CSMD1: variants seen among roughly 807,000 people sequenced by gnomAD.
CSMD1 encodes the protein CUB and Sushi multiple domains 1.
In CSMD1, 213 loss-of-function variants were observed where a neutral mutation model predicts 417.5. That is an observed-to-expected ratio of 0.51 (90% CI 0.46 to 0.57). The LOEUF (loss-of-function observed/expected upper bound fraction) is 0.57. CSMD1 is among the 20% of genes least tolerant of loss of function. The pLI, the probability that CSMD1 is intolerant of heterozygous loss-of-function variation, is 0.00. For missense variants in CSMD1, 6,923 were observed against 4,529.7 expected, an observed-to-expected ratio of 1.53 and a Z score of -15.17; for synonymous variants, 2,862 against 1,736.8, an observed-to-expected ratio of 1.65 and a Z score of -16.11.
rs954681802 is a variant in CSMD1 at position 3,916,263 on chromosome 8, C to G, written c.818+81640G>C. ...GTAACGAAAATATATACAACAGGAG[C>G]CCAGAAAGCTTTTGTGGAAAGTCTC... is the stretch of plus-strand genomic sequence containing the variant. On this transcript the variant is annotated intron_variant, in intron 5 of 69. Transcript: ENST00000635120. 2.0e-5 allele frequency among the ~76,000 whole-genome samples: 3 copies of G among 152,022 alleles called. No homozygotes were observed. In the East Asian group the frequency reaches 5.8e-4, roughly 29 times the overall value.
At chr8:4,089,832 G>C (rs1585291089) in intron 3 of CSMD1, among the ~76,000 whole-genome samples, 3 of 152,100 alleles carry the variant, frequency 2.0e-5, no homozygotes, top group Admixed American at 6.5e-5. Context: ...TGAGAGCTGA[G>C]GCTTCTGGAA....
intron 5 of CSMD1, among the ~76,000 whole-genome samples, chr8:3,865,713 A>C (rs1046905074): frequency 1.3e-5 from 2 of 152,172 alleles, no homozygotes; most frequent in Admixed American, 6.5e-5. Context: ...TAAATACAAC[A>C]ACAAAATCTC....
chr8:3,982,034 G>C (rs960808399), intron 5 of CSMD1, among the ~76,000 whole-genome samples: 5 of 151,824 alleles, frequency 3.3e-5, no homozygotes, highest in Non-Finnish European at 7.4e-5. Flanking sequence ...AGCCTGGCGC[G>C]GTGACGGTCG....
At chr8:4,001,576 C>T (rs1172228328) in intron 4 of CSMD1, among the ~76,000 whole-genome samples, 1 of 152,160 alleles carries the variant, frequency 6.6e-6, no homozygotes, top group South Asian at 2.1e-4. Context: ...ATTTAAAATG[C>T]CAGTGGCTGA....
At chr8:4,288,041 G>C (rs1444046912) in intron 3 of CSMD1, among the ~76,000 whole-genome samples, 1 of 152,196 alleles carries the variant, frequency 6.6e-6, no homozygotes, top group East Asian at 1.9e-4. Flanking sequence ...TCAAAAGACA[G>C]AAAGCTAAAA....
intron 1 of CSMD1, among the ~76,000 whole-genome samples, chr8:4,792,384 G>C (rs946899126): frequency 1.4e-4 from 22 of 152,198 alleles, no homozygotes; most frequent in African/African-American, 5.1e-4. Context: ...TTCAATTCCA[G>C]AGACATTTCG....
chr8:3,804,352 T>C (rs935918079), intron 5 of CSMD1, among the ~76,000 whole-genome samples: 16 of 152,172 alleles, frequency 1.1e-4, no homozygotes, highest in Non-Finnish European at 2.2e-4. Flanking sequence ...AAAGAAGCAG[T>C]ATCAAAAATA....
intron 3 of CSMD1, among the ~76,000 whole-genome samples, chr8:4,109,247 A>C (rs541999881): frequency 6.6e-6 from 1 of 152,146 alleles, no homozygotes; most frequent in African/African-American, 2.4e-5. Flanking sequence ...TTTTTTTCTG[A>C]ATGTTTTTGA....
chr8:3,682,977 A>G (rs1348609006), intron 7 of CSMD1, among the ~76,000 whole-genome samples: 1 of 152,148 alleles, frequency 6.6e-6, no homozygotes, highest in Non-Finnish European at 1.5e-5. Context: ...GTTGTCACTC[A>G]TACGTGGGAA....
intron 3 of CSMD1, among the ~76,000 whole-genome samples, chr8:4,123,805 A>G (rs1217014639): frequency 6.6e-6 from 1 of 152,306 alleles, no homozygotes; most frequent in East Asian, 1.9e-4. Context: ...AAAATATAAT[A>G]GAGAACTAAG....
chr8:4,347,747 C>A (rs566594836), intron 3 of CSMD1, among the ~76,000 whole-genome samples: 2 of 152,176 alleles, frequency 1.3e-5, no homozygotes, highest in African/African-American at 4.8e-5. Flanking sequence ...GCCTAGCAAG[C>A]ATGTATTGCC....
intron 1 of CSMD1, among the ~76,000 whole-genome samples, chr8:4,656,096 C>G (rs1804212798): frequency 6.6e-6 from 1 of 151,980 alleles, no homozygotes; most frequent in African/African-American, 2.4e-5. Context: ...CAATGCTAGT[C>G]TTATGGGGGC....
intron 3 of CSMD1, among the ~76,000 whole-genome samples, chr8:4,244,010 G>A (rs901348742): frequency 3.3e-5 from 5 of 152,174 alleles, no homozygotes; most frequent in African/African-American, 1.2e-4. Flanking sequence ...CATGGAGTGG[G>A]AAGCTGCATT....
intron 2 of CSMD1, among the ~76,000 whole-genome samples, chr8:4,540,372 A>G (rs1797320129): frequency 6.6e-6 from 1 of 152,148 alleles, no homozygotes; most frequent in African/African-American, 2.4e-5. Context: ...TGGTGAAATA[A>G]GCATGAAAAT....
intron 1 of CSMD1, among the ~76,000 whole-genome samples, chr8:4,707,399 G>A (rs1808009548): frequency 6.6e-6 from 1 of 152,120 alleles, no homozygotes; most frequent in Non-Finnish European, 1.5e-5. Context: ...TAATCGTGCT[G>A]GGAAACAAAG....
chr8:3,140,076 G>A (rs1336344148), intron 41 of CSMD1, among the ~76,000 whole-genome samples: 1 of 151,772 alleles, frequency 6.6e-6, no homozygotes, highest in Non-Finnish European at 1.5e-5. Context: ...GCTAATTTTG[G>A]TATTTTTAGT....
At chr8:4,698,544 T>C (rs1365877031) in intron 1 of CSMD1, among the ~76,000 whole-genome samples, 4 of 151,954 alleles carry the variant, frequency 2.6e-5, no homozygotes, top group Non-Finnish European at 2.9e-5. Context: ...AGTTTATTTT[T>C]GAGACAGGGA....
At chr8:4,225,599 G>T (rs1161142086) in intron 3 of CSMD1, among the ~76,000 whole-genome samples, 1 of 151,306 alleles carries the variant, frequency 6.6e-6, no homozygotes, top group Non-Finnish European at 1.5e-5. Context: ...TATTTGGGAG[G>T]AAATATGCTG....
intron 5 of CSMD1, among the ~76,000 whole-genome samples, chr8:3,986,546 G>A (rs78470478): frequency 0.016 from 2,442 of 152,114 alleles, 58 homozygotes; most frequent in African/African-American, 0.056. Context: ...CAGCAGACCC[G>A]TATAAATTAT....
Sources: gnomAD v4.1 joint callset for allele counts (sites outside exome capture counted in the v4.1 genomes callset) on GRCh38, gnomAD v4.1.1 for gene constraint, MANE v1.5 for transcripts, NCBI Gene and HGNC (gene_info 2026-07-23, HGNC 2026-07-21) for gene names.